RPTOR: variants seen among roughly 807,000 people sequenced by gnomAD.
The protein encoded by RPTOR is regulatory associated protein of MTOR complex 1, also known as regulatory-associated protein of mTOR.
In RPTOR, 21 loss-of-function variants were observed where a neutral mutation model predicts 169.9. The observed-to-expected ratio is 0.12, with a 90% CI of 0.09 to 0.18. The LOEUF (loss-of-function observed/expected upper bound fraction) is 0.18, where lower values mean the gene tolerates loss of function less well. RPTOR is among the 10% of genes least tolerant of loss of function. The probability of loss-of-function intolerance (pLI) is 1.00; values close to 1 mark genes in which losing one functional copy is unlikely to be tolerated. For missense variants in RPTOR, 1,133 were observed against 1,855.9 expected, an observed-to-expected ratio of 0.61 and a Z score of 7.16; for synonymous variants, 732 against 753.2, an observed-to-expected ratio of 0.97 and a Z score of 0.46.
rs558119058 is a variant in RPTOR at position 80,908,565 on chromosome 17, C to T, written c.2402-246C>T. Among the ~76,000 whole-genome samples the T allele has an allele frequency of 1.2e-4, 18 of 152,324 alleles. 1 individual carries two copies. The highest frequency in any genetic ancestry group is 6.5e-4 in the Admixed American group (10 of 15,296). The stretch of plus-strand genomic sequence containing the variant: ...TCAAGGAAAGTTACACCCTTTCCAA[C>T]GCAGTTTTCCTTTTAGAAAGATTTG... On this transcript the variant is annotated intron_variant, in intron 20 of 33. Coordinates refer to ENST00000306801, the MANE Select transcript of RPTOR (RefSeq NM_020761.3).
chr17:80,836,812 A>AT (rs891191728), intron 9 of RPTOR, among the ~76,000 whole-genome samples: 4 of 152,202 alleles, frequency 2.6e-5, no homozygotes, highest in African/African-American at 9.7e-5. Context: ...GGGGTGCCCC[A>AT]TAAGGCTGTT....
At chr17:80,645,374 T>G (rs768600933) in intron 3 of RPTOR, among the ~76,000 whole-genome samples, 1 of 152,194 alleles carries the variant, frequency 6.6e-6, no homozygotes, top group Non-Finnish European at 1.5e-5. Flanking sequence ...TACCTTTGTT[T>G]AAAAAAGAAT....
intron 20 of RPTOR, among the ~76,000 whole-genome samples, chr17:80,906,563 G>A (rs934631992): frequency 1.3e-5 from 2 of 152,208 alleles, no homozygotes; most frequent in Non-Finnish European, 2.9e-5. Flanking sequence ...CACAGGGACC[G>A]CCGGCCAGGC....
intron 18 of RPTOR, among the ~76,000 whole-genome samples, chr17:80,892,514 C>T (rs1388390035): frequency 6.6e-6 from 1 of 152,256 alleles, no homozygotes; most frequent in Middle Eastern, 3.2e-3. Context: ...ATTTAATATG[C>T]ACAGAGCCAC....
chr17:80,893,284 G>A (rs1293498449), intron 19 of RPTOR, among the ~76,000 whole-genome samples: 1 of 150,204 alleles, frequency 6.7e-6, no homozygotes, highest in African/African-American at 2.5e-5. Flanking sequence ...GTGTACCAGG[G>A]TGTGTGTGCG....
Position 80,803,196 on chromosome 17 carries a change from C to CG in RPTOR, c.890+11691dup, listed in dbSNP as rs2067180381. On this transcript the variant is annotated intron_variant, in intron 7 of 33. Coordinates refer to ENST00000306801, the MANE Select transcript of RPTOR (RefSeq NM_020761.3). The surrounding 1 kb of genome is among the most constrained non-coding windows in gnomAD (Gnocchi z 6.2). Reference sequence around the variant, plus strand: ...GTGTGGCGTGAGGCGCCAGCATAACCGGGGACCCCGGGTGTGTGGTGGCTT... The same window carrying CG: ...GTGTGGCGTGAGGCGCCAGCATAACCGGGGGACCCCGGGTGTGTGGTGGCTT... The CG allele has an allele frequency of 6.6e-6, 1 of 152,290 alleles. No homozygotes were observed. The highest frequency in any genetic ancestry group is 1.9e-4 in the East Asian group (1 of 5,194). The allele number at this position is 152,290 out of a possible 1,614,324, so 9.4% of individuals were successfully genotyped here. A position where few individuals can be genotyped will look rare whatever the true frequency, so the allele number is the denominator to read the frequency against.
At chr17:80,843,425 A>C (rs2067692094) in intron 10 of RPTOR, among the ~76,000 whole-genome samples, 1 of 42,148 alleles carries the variant, frequency 2.4e-5, no homozygotes, top group Non-Finnish European at 4.5e-5. Flanking sequence ...TGTCTCAAAA[A>C]AAAATTTTTT....
chr17:80,885,258 T>C, intron 17 of RPTOR, 110 bp downstream of exon 17: 1 of 1,205,208 alleles, frequency 8.3e-7, no homozygotes. Flanking sequence ...CAGTTTCCAC[T>C]GCGTGTCATT....
intron 6 of RPTOR, among the ~76,000 whole-genome samples, chr17:80,757,823 C>T (rs958810364): frequency 6.6e-6 from 1 of 152,158 alleles, no homozygotes; most frequent in East Asian, 1.9e-4. Flanking sequence ...CCCACGGCCT[C>T]CTATGCGCCC....
intron 10 of RPTOR, among the ~76,000 whole-genome samples, chr17:80,838,349 C>T (rs1043494547): frequency 6.6e-6 from 1 of 152,156 alleles, no homozygotes; most frequent in African/African-American, 2.4e-5. Context: ...TGACTCTCAG[C>T]CCTGTGGGAC....
At chr17:80,873,227 C>CAGCCCTGCCACTGGGCACAGGG (rs2068070810) in intron 13 of RPTOR, among the ~76,000 whole-genome samples, 2 of 152,152 alleles carry the variant, frequency 1.3e-5, no homozygotes, top group African/African-American at 4.8e-5. Context: ...GCTCCTTTGC[C>CAGCCCTGCCACTGGGCACAGGG]AGCCCTGCCA....
chr17:80,622,057 G>A (rs895782665), intron 1 of RPTOR, among the ~76,000 whole-genome samples: 8 of 152,156 alleles, frequency 5.3e-5, no homozygotes, highest in Non-Finnish European at 1.0e-4. Context: ...TGCAGATTAG[G>A]GACAAGATAA....
At chr17:80,852,081 T>G (rs983887218) in intron 11 of RPTOR, among the ~76,000 whole-genome samples, 1 of 152,180 alleles carries the variant, frequency 6.6e-6, no homozygotes, top group African/African-American at 2.4e-5. Context: ...GAGTCAGTCC[T>G]TAAAACCTTG....
At chr17:80,734,291 C>G (rs1450959924) in intron 5 of RPTOR, among the ~76,000 whole-genome samples, 1 of 152,212 alleles carries the variant, frequency 6.6e-6, no homozygotes, top group Non-Finnish European at 1.5e-5. Context: ...GCTCTCCTGC[C>G]TCGCTCAGCC....
At chr17:80,714,279 A>G (rs2066221730) in intron 4 of RPTOR, among the ~76,000 whole-genome samples, 2 of 152,184 alleles carry the variant, frequency 1.3e-5, no homozygotes, top group Non-Finnish European at 2.9e-5. Flanking sequence ...AACTCTAGGC[A>G]TAGTATATTT....
At chr17:80,685,627 A>ATATATATATTTTTTT (rs1269766086) in intron 3 of RPTOR, among the ~76,000 whole-genome samples, 1 of 30,700 alleles carries the variant, frequency 3.3e-5, no homozygotes, top group Non-Finnish European at 5.4e-5. Context: ...ATATATATAT[A>ATATATATATTTTTTT]TTTTTTTTTT....
At chr17:80,767,845 A>G (rs1363579698) in intron 6 of RPTOR, among the ~76,000 whole-genome samples, 2 of 150,810 alleles carry the variant, frequency 1.3e-5, no homozygotes, top group Non-Finnish European at 3.0e-5. Context: ...TGTTACTTGA[A>G]TTTTTTTTTT....
rs562717286 is a variant in RPTOR at position 80,883,363 on chromosome 17, T to C, written c.1585-56T>C. 6 of 1,478,838 alleles carry C rather than the reference T, an allele frequency of 4.1e-6. No homozygotes were observed. In the Admixed American group the frequency reaches 8.4e-5, roughly 21 times the overall value. The allele number at this position is 1,478,838 out of a possible 1,614,324, so 91.6% of individuals were successfully genotyped here. ...CCGAAAGGATCACGCTGTTGTACTT[T>C]GGGAATGAGAGTTTCCACTGAGGGG... On this transcript the variant is annotated intron_variant, in intron 14 of 33. Coordinates refer to ENST00000306801, the MANE Select transcript of RPTOR (RefSeq NM_020761.3).
intron 6 of RPTOR, among the ~76,000 whole-genome samples, chr17:80,758,072 T>C (rs1053439903): frequency 6.6e-6 from 1 of 152,214 alleles, no homozygotes; most frequent in African/African-American, 2.4e-5. Context: ...CTAATCACTA[T>C]AGGAGATCCT....
Sources: gnomAD v4.1 joint callset for allele counts (sites outside exome capture counted in the v4.1 genomes callset) on GRCh38, gnomAD v4.1.1 for gene constraint, Gnocchi (gnomAD v3.1) non-coding constraint, MANE v1.5 for transcripts, NCBI Gene and HGNC (gene_info 2026-07-23, HGNC 2026-07-21) for gene names.